PCMT1: variants seen among roughly 807,000 people sequenced by gnomAD.
The protein encoded by PCMT1 is protein-L-isoaspartate (D-aspartate) O-methyltransferase, also known as protein-L-isoaspartate(D-aspartate) O-methyltransferase.
PCMT1 carries 9 observed loss-of-function variants against 29.2 expected under a neutral mutation model. The observed-to-expected ratio is 0.31, with a 90% CI of 0.19 to 0.54. PCMT1 has a LOEUF of 0.54. Among genes scored for constraint, PCMT1 ranks in the 20% least tolerant of loss-of-function variants. The pLI, the probability that PCMT1 is intolerant of heterozygous loss-of-function variation, is 0.95. For synonymous variants in PCMT1, 98 were observed against 97.5 expected (o/e 1.00, Z -0.03); for missense variants, 184 against 282.2 (o/e 0.65, Z 2.49).
At chr6:149,759,135 A>G (rs1786641787) in intron 1 of PCMT1, among the ~76,000 whole-genome samples, 1 of 152,146 alleles carries the variant, frequency 6.6e-6, no homozygotes, top group African/African-American at 2.4e-5. Flanking sequence ...TCGGCCTCCC[A>G]AAGTGCTGGG....
chr6:149,766,913 T>G lies in PCMT1; in HGVS notation c.56-4249T>G, dbSNP rs542336688. Among the ~76,000 whole-genome samples, 6 of 152,244 alleles carry G rather than the reference T, an allele frequency of 3.9e-5. No homozygotes were observed. In the South Asian group the frequency reaches 1.2e-3, roughly 32 times the overall value. On this transcript the variant is annotated intron_variant, in intron 1 of 7. Transcript: ENST00000464889. ...TGGCTTCTTTCACTTAGATTAGTGC[T>G]TTTGAGATTCATTCAAGCTGAGTGT...
intron 7 of PCMT1, 177 bp downstream of exon 7, chr6:149,802,593 G>A: frequency 2.1e-6 from 2 of 944,596 alleles, no homozygotes; most frequent in Non-Finnish European, 2.7e-6. Context: ...GGTGAGACTT[G>A]GTTGGCACAA....
At chr6:149,808,846 C>T (rs910189040) in intron 7 of PCMT1, among the ~76,000 whole-genome samples, 4 of 151,800 alleles carry the variant, frequency 2.6e-5, no homozygotes, top group Non-Finnish European at 5.9e-5. Context: ...CCATGTTAGC[C>T]AGGATGGTCT....
Position 149,792,976 on chromosome 6 carries a change from C to T in PCMT1, c.298-573C>T, listed in dbSNP as rs577197141. Among the ~76,000 whole-genome samples, 4 of 152,054 alleles carry T rather than the reference C, an allele frequency of 2.6e-5. No homozygotes were observed. The South Asian group carries it at 6.2e-4, about 24-fold the overall frequency. On this transcript the variant is annotated intron_variant, in intron 4 of 7. Coordinates refer to ENST00000464889, the MANE Select transcript of PCMT1 (RefSeq NM_001360452.2). ...AGGAATTTGAGACCAGCCTGACCAA[C>T]GTGGTGAAACCCTGTCTCTACTAAA...
chr6:149,806,166 C>T (rs1174186033), intron 7 of PCMT1, among the ~76,000 whole-genome samples: 1 of 152,014 alleles, frequency 6.6e-6, no homozygotes, highest in Non-Finnish European at 1.5e-5. Flanking sequence ...GTACTAGGTG[C>T]CAGGAGTCAT....
At chr6:149,798,318 A>G (rs1228097006) in intron 6 of PCMT1, 1 of 152,200 alleles carries the variant, frequency 6.6e-6, no homozygotes, top group Non-Finnish European at 1.5e-5. Context: ...CAAAAAAAAT[A>G]TTGATAACCT....
chr6:149,756,921 G>A (rs1786532013), intron 1 of PCMT1, among the ~76,000 whole-genome samples: 2 of 152,078 alleles, frequency 1.3e-5, no homozygotes, highest in South Asian at 2.1e-4. Flanking sequence ...TTGGGAGGCC[G>A]AGGTGGGTGG....
At chr6:149,782,653 A>G (rs1787860556) in intron 3 of PCMT1, among the ~76,000 whole-genome samples, 1 of 152,210 alleles carries the variant, frequency 6.6e-6, no homozygotes, top group African/African-American at 2.4e-5. Flanking sequence ...GAGGCTCCCA[A>G]AGGCCAAATT....
chr6:149,802,985 G>A (rs1169036288), intron 7 of PCMT1, among the ~76,000 whole-genome samples: 2 of 148,550 alleles, frequency 1.3e-5, no homozygotes, highest in Admixed American at 6.8e-5. Flanking sequence ...CCCTGGAGGC[G>A]GAGGTTGCAG....
intron 7 of PCMT1, 151 bp downstream of exon 7, chr6:149,802,567 T>A (rs1775870493): frequency 2.6e-6 from 3 of 1,167,708 alleles, no homozygotes; most frequent in Non-Finnish European, 3.2e-6. Flanking sequence ...AACATATATA[T>A]CTTTGGGAAA....
Position 149,776,583 on chromosome 6 carries a change from A to AT in PCMT1, c.192+3423dup, listed in dbSNP as rs1163702448. 6.6e-5 allele frequency among the ~76,000 whole-genome samples: 10 copies of AT among 151,386 alleles called. No homozygotes were observed. The East Asian group carries it at 1.2e-3, about 18-fold the overall frequency. On this transcript the variant is annotated intron_variant, in intron 3 of 7. Transcript: ENST00000464889. ...TGAGCCACTGTGCCTGGCCATTAAA[A>AT]TTTTTTTTTGTAGAGACAGGGCCTC...
intron 7 of PCMT1, chr6:149,802,637 TAGAGAGA>T: frequency 2.6e-6 from 1 of 384,176 alleles, no homozygotes; most frequent in Non-Finnish European, 4.0e-6. Flanking sequence ...GTTTTTTTTT[TAGAGAGA>T]CTTTCAGCTT....
chr6:149,770,725 C>T (rs551076438), intron 1 of PCMT1, among the ~76,000 whole-genome samples: 1 of 143,542 alleles, frequency 7.0e-6, no homozygotes, highest in African/African-American at 2.6e-5. Flanking sequence ...AAAAAAAAGC[C>T]GGGTCCAGTG....
At chr6:149,758,939 C>A (rs543217466) in intron 1 of PCMT1, among the ~76,000 whole-genome samples, 3 of 151,970 alleles carry the variant, frequency 2.0e-5, no homozygotes, top group Non-Finnish European at 4.4e-5. Flanking sequence ...TGCAATGGCG[C>A]GATCTCGGCT....
chr6:149,752,036 G>GTTTTTT lies in PCMT1; in HGVS notation c.55+2091_55+2096dup, dbSNP rs60405304. Among the ~76,000 whole-genome samples, 226 of 122,778 alleles carry GTTTTTT rather than the reference G, an allele frequency of 1.8e-3. 9 individuals carry two copies. Among genetic ancestry groups the GTTTTTT allele is most frequent in the Middle Eastern group, 4.9e-3 (1 of 206 alleles). The allele number at this position is 122,778 out of a possible 152,430, so 80.5% of individuals were successfully genotyped here. ...CCACCATACCAGGCTAATTTTTAGG[G>GTTTTTT]TTTTTTTTTTTTTTTTGGTAGTTTA... is the stretch of plus-strand genomic sequence containing the variant. On this transcript the variant is annotated intron_variant, in intron 1 of 7. Transcript: ENST00000464889.
At chr6:149,758,687 T>C (rs10872647) in intron 1 of PCMT1, among the ~76,000 whole-genome samples, 47,148 of 151,886 alleles carry the variant, frequency 0.31, 8,222 homozygotes, top group East Asian at 0.49. Context: ...AACATATCCT[T>C]TGAGAAATAA....
At position 149,749,811 on chromosome 6, in the gene PCMT1, G is replaced by A. The variant is rs901687916; in HGVS notation, c.-91G>A. On this transcript the variant is annotated 5_prime_UTR_variant, in exon 1 of 8. Transcript: ENST00000464889. ...GCGGGGACGCGAGCGGGGCGGTGAC[G>A]GTGTGGGAGGTGGTCTCACTCTTGG... 6 of 1,554,376 alleles carry A rather than the reference G, an allele frequency of 3.9e-6. No homozygotes were observed. The South Asian group carries it at 7.1e-5, about 18-fold the overall frequency.
At chr6:149,799,993 TA>T (rs2115334250) in intron 6 of PCMT1, among the ~76,000 whole-genome samples, 1 of 152,272 alleles carries the variant, frequency 6.6e-6, no homozygotes, top group Non-Finnish European at 1.5e-5. Flanking sequence ...AGGTAAATAC[TA>T]GAAGACATAG....
At chr6:149,762,121 T>A (rs1020252279) in intron 1 of PCMT1, among the ~76,000 whole-genome samples, 2 of 152,118 alleles carry the variant, frequency 1.3e-5, no homozygotes, top group Non-Finnish European at 2.9e-5. Flanking sequence ...ATTTGATTTA[T>A]CCTCTGTGCC....
Sources: allele counts gnomAD v4.1 joint callset (sites outside exome capture counted in the v4.1 genomes callset), GRCh38; gene constraint gnomAD v4.1.1; transcripts MANE v1.5; gene names NCBI Gene and HGNC (gene_info 2026-07-23, HGNC 2026-07-21).